The following AIG1 variants were observed in gnomAD, a reference collection of about 807,000 sequenced individuals.
AIG1 encodes the protein androgen induced 1, also known as androgen-induced gene 1 protein.
Under a neutral mutation model 31.4 loss-of-function variants are expected in AIG1, and 23 were observed. That is an observed-to-expected ratio of 0.73 (90% CI 0.53 to 1.04). The LOEUF (loss-of-function observed/expected upper bound fraction) is 1.04, where lower values mean the gene tolerates loss of function less well. Among genes scored for constraint, AIG1 ranks in the 50% least tolerant of loss-of-function variants. AIG1 has a pLI of 0.00. For synonymous variants in AIG1, 100 were observed against 110.5 expected (o/e 0.90, Z 0.60); for missense variants, 274 against 295.0 (o/e 0.93, Z 0.52).
intron 3 of AIG1, among the ~76,000 whole-genome samples, chr6:143,215,068 C>T (rs976269827): frequency 6.6e-6 from 1 of 152,162 alleles, no homozygotes; most frequent in Non-Finnish European, 1.5e-5. Context: ...CTTCATATCC[C>T]TTTGCTTCAC....
In AIG1 at chr6:143,338,231, G is replaced by C. The variant is rs1777654144; in HGVS notation, c.680-1408G>C. ...GTGCTGTTTGAGCTGAATCTGTGCT[G>C]TTTTCTTCTTTCCGTGGTTACCCAA... On this transcript the variant is annotated intron_variant, in intron 5 of 5. Coordinates refer to ENST00000357847, the MANE Select transcript of AIG1 (RefSeq NM_016108.4). This position sits in a 1 kb window ranked among gnomAD's most constrained non-coding sequence, Gnocchi z 4.3. 1 of 390,216 alleles carries C rather than the reference G, an allele frequency of 2.6e-6. No individual in the cohort carries two copies. The highest frequency in any genetic ancestry group is 4.5e-6 in the Non-Finnish European group (1 of 221,354). The allele number at this position is 390,216 out of a possible 1,614,324, so 24.2% of individuals were successfully genotyped here.
At chr6:143,149,773 C>T (rs1426061329) in intron 2 of AIG1, among the ~76,000 whole-genome samples, 1 of 152,112 alleles carries the variant, frequency 6.6e-6, no homozygotes, top group East Asian at 1.9e-4. Context: ...CCTGCTTTGT[C>T]TTCTCATTTC....
At chr6:143,289,857 T>C (rs1797936766) in intron 4 of AIG1, among the ~76,000 whole-genome samples, 1 of 152,210 alleles carries the variant, frequency 6.6e-6, no homozygotes, top group South Asian at 2.1e-4. Flanking sequence ...GTACCCTCTT[T>C]ACTAAGAAAA....
At chr6:143,109,117 T>C (rs1022627217) in intron 1 of AIG1, among the ~76,000 whole-genome samples, 2 of 152,330 alleles carry the variant, frequency 1.3e-5, no homozygotes, top group Admixed American at 1.3e-4. Flanking sequence ...GTTGCTGTTT[T>C]TTTTTCCCCT....
intron 1 of AIG1, among the ~76,000 whole-genome samples, chr6:143,094,780 G>T (rs1413769970): frequency 6.6e-6 from 1 of 151,866 alleles, no homozygotes; most frequent in Non-Finnish European, 1.5e-5. Context: ...TGCAACCATT[G>T]AAAATTATTG....
rs186870467 is a variant in AIG1 at position 143,236,690 on chromosome 6, C to G, written c.400-47420C>G. On this transcript the variant is annotated intron_variant, in intron 3 of 5. Transcript: ENST00000357847. ...TTGTGTCACCGTGCCATCTGCTTAG[C>G]TTTTTTCCTCTTCAAACTGTAAGCA... Among the ~76,000 whole-genome samples the G allele has an allele frequency of 1.2e-3, 187 of 152,012 alleles. 2 individuals carry two copies. The highest frequency in any genetic ancestry group is 2.3e-3 in the Non-Finnish European group (155 of 67,978).
intron 1 of AIG1, among the ~76,000 whole-genome samples, chr6:143,133,822 T>C (rs1241640901): frequency 1.3e-5 from 2 of 152,126 alleles, no homozygotes; most frequent in South Asian, 2.1e-4. Context: ...CTTGGACTTA[T>C]CCTCCATCAT....
chr6:143,106,913 G>C (rs973994999), intron 1 of AIG1, among the ~76,000 whole-genome samples: 5 of 152,130 alleles, frequency 3.3e-5, no homozygotes, highest in African/African-American at 9.6e-5. Flanking sequence ...CTCTCTCTCG[G>C]GCCTCTTTTA....
chr6:143,141,726 A>T (rs1784261285), intron 2 of AIG1, among the ~76,000 whole-genome samples: 1 of 152,194 alleles, frequency 6.6e-6, no homozygotes, highest in South Asian at 2.1e-4. Flanking sequence ...CCTTTTAAAG[A>T]AGCATTACAA....
intron 1 of AIG1, among the ~76,000 whole-genome samples, chr6:143,084,175 G>T (rs565659961): frequency 1.3e-5 from 2 of 152,286 alleles, no homozygotes; most frequent in Admixed American, 1.3e-4. Context: ...CTCTGTGACG[G>T]TGATGGTATG....
chr6:143,199,196 A>G (rs1380101427), intron 3 of AIG1, among the ~76,000 whole-genome samples: 1 of 152,200 alleles, frequency 6.6e-6, no homozygotes, highest in African/African-American at 2.4e-5. Context: ...GAATATTTGA[A>G]CAAAGACTAG....
intron 3 of AIG1, among the ~76,000 whole-genome samples, chr6:143,168,914 CAGT>C (rs749071874): frequency 6.6e-6 from 1 of 151,948 alleles, no homozygotes. Flanking sequence ...TTATTACTAT[CAGT>C]AGAGCGAACA....
At chr6:143,200,113 G>A (rs1168910601) in intron 3 of AIG1, among the ~76,000 whole-genome samples, 2 of 152,134 alleles carry the variant, frequency 1.3e-5, no homozygotes, top group African/African-American at 2.4e-5. Context: ...CTTTTTATAA[G>A]GATGTATAGT....
At chr6:143,216,421 T>G (rs1191203569) in intron 3 of AIG1, among the ~76,000 whole-genome samples, 2 of 152,186 alleles carry the variant, frequency 1.3e-5, no homozygotes, top group African/African-American at 2.4e-5. Context: ...AAGAACACCA[T>G]GCTGAGAACT....
intron 3 of AIG1, among the ~76,000 whole-genome samples, chr6:143,208,062 C>T (rs890063155): frequency 2.6e-5 from 4 of 152,042 alleles, no homozygotes; most frequent in Non-Finnish European, 2.9e-5. Context: ...CCATCTAAAG[C>T]GTGCTAAGGA....
chr6:143,170,876 T>TAAA lies in AIG1; in HGVS notation c.399+5700_399+5702dup, dbSNP rs34719519. Among the ~76,000 whole-genome samples the TAAA allele has an allele frequency of 2.5e-4, 37 of 147,304 alleles. No individual in the cohort carries two copies. The East Asian group carries it at 3.1e-3, about 12-fold the overall frequency. ...CCTGTTCCCCAAAAACCTATTGAAA[T>TAAA]AAAAAAAAATCCATTCAGATGAAAA... On this transcript the variant is annotated intron_variant, in intron 3 of 5. Coordinates refer to ENST00000357847, the MANE Select transcript of AIG1 (RefSeq NM_016108.4).
At chr6:143,073,014 A>G (rs1259205118) in intron 1 of AIG1, among the ~76,000 whole-genome samples, 1 of 152,224 alleles carries the variant, frequency 6.6e-6, no homozygotes, top group East Asian at 1.9e-4. Context: ...CCTCTGACCT[A>G]CTTCTCCCCA....
chr6:143,249,663 C>T (rs970384548), intron 3 of AIG1, among the ~76,000 whole-genome samples: 6 of 152,188 alleles, frequency 3.9e-5, no homozygotes, highest in East Asian at 1.9e-4. Flanking sequence ...CTGTTACAGA[C>T]GACCCCTCTC....
chr6:143,148,231 C>T (rs886721806), intron 2 of AIG1, among the ~76,000 whole-genome samples: 4 of 150,940 alleles, frequency 2.7e-5, no homozygotes, highest in East Asian at 2.0e-4. Flanking sequence ...CTGGACATGG[C>T]GGCTCACACC....
Sources: gnomAD v4.1 joint callset for allele counts (sites outside exome capture counted in the v4.1 genomes callset) on GRCh38, gnomAD v4.1.1 for gene constraint, Gnocchi (gnomAD v3.1) non-coding constraint, MANE v1.5 for transcripts, NCBI Gene and HGNC (gene_info 2026-07-23, HGNC 2026-07-21) for gene names.